MALRD1: variants seen among roughly 807,000 people sequenced by gnomAD.
MALRD1 encodes MAM and LDL-receptor class A domain-containing protein 1.
MALRD1 carries 247 observed loss-of-function variants against 242.1 expected under a neutral mutation model. The observed-to-expected ratio is 1.02, with a 90% CI of 0.92 to 1.13. The LOEUF (loss-of-function observed/expected upper bound fraction) is 1.13, where lower values mean the gene tolerates loss of function less well. Ranked by LOEUF, MALRD1 falls within the 50% of genes most tolerant of loss-of-function variation. The pLI is 0.00. For missense variants in MALRD1, 2,989 were observed against 2,533.1 expected, an observed-to-expected ratio of 1.18 and a Z score of -3.86; for synonymous variants, 995 against 866.6, an observed-to-expected ratio of 1.15 and a Z score of -2.60.
At position 19,567,576 on chromosome 10, in the gene MALRD1, A is replaced by T; in HGVS notation, c.5553A>T (p.Thr1851=). The T allele has an allele frequency of 6.4e-7, 1 of 1,550,556 alleles. No homozygotes were observed. Among genetic ancestry groups the T allele is most frequent in the Non-Finnish European group, 8.7e-7 (1 of 1,146,948 alleles). Residue 1851 remains threonine, a synonymous_variant, in exon 33 of 40, where the codon ACA becomes ACT. Transcript: ENST00000454679. ...SVIGNKRTGW[T]YGSVPLSSNS... ...TTGGAAATAAAAGAACGGGATGGAC[A>T]TATGGCTCTGTGCCTCTCTCCAGTA...
intron 2 of MALRD1, among the ~76,000 whole-genome samples, chr10:19,077,203 AT>A (rs1835344680): frequency 6.6e-6 from 1 of 151,958 alleles, no homozygotes; most frequent in South Asian, 2.1e-4. Flanking sequence ...GACAAAAGTT[AT>A]TAAGTGACAA....
At chr10:19,355,084 G>A (rs1239185755) in intron 26 of MALRD1, among the ~76,000 whole-genome samples, 1 of 152,064 alleles carries the variant, frequency 6.6e-6, no homozygotes, top group Non-Finnish European at 1.5e-5. Flanking sequence ...CAGGGGCAGT[G>A]GAATTTGAGC....
At chr10:19,259,151 T>C in intron 19 of MALRD1, among the ~76,000 whole-genome samples, 1 of 152,172 alleles carries the variant, frequency 6.6e-6, no homozygotes, top group East Asian at 1.9e-4. Flanking sequence ...GTCAGAATCT[T>C]CCTATGACTT....
intron 28 of MALRD1, among the ~76,000 whole-genome samples, chr10:19,419,985 C>A (rs554388684): frequency 1.1e-3 from 174 of 152,264 alleles, no homozygotes; most frequent in Admixed American, 2.0e-3. Flanking sequence ...AGTTTTGGTG[C>A]CGCAAAATAA....
chr10:19,082,533 C>T (rs1835525701), intron 2 of MALRD1, among the ~76,000 whole-genome samples: 1 of 151,816 alleles, frequency 6.6e-6, no homozygotes, highest in African/African-American at 2.4e-5. Context: ...AAACATTTGA[C>T]ATAGCTGATT....
chr10:19,612,476 T>C (rs1838944828), intron 35 of MALRD1, among the ~76,000 whole-genome samples: 1 of 151,968 alleles, frequency 6.6e-6, no homozygotes, highest in South Asian at 2.1e-4. Flanking sequence ...ATATTTCAGT[T>C]TTGATCCTAT....
At chr10:19,266,396 A>G (rs531504480) in intron 19 of MALRD1, among the ~76,000 whole-genome samples, 20 of 151,846 alleles carry the variant, frequency 1.3e-4, no homozygotes, top group East Asian at 7.7e-4. Flanking sequence ...GGTTTTTGCT[A>G]TGTGTTTAAC....
chr10:19,586,347 T>C lies in MALRD1; in HGVS notation c.5681-8847T>C, dbSNP rs535380269. Among the ~76,000 whole-genome samples, 102 of 152,218 alleles carry C rather than the reference T, an allele frequency of 6.7e-4. No individual in the cohort carries two copies. In the Middle Eastern group the frequency reaches 0.01, roughly 15 times the overall value. The stretch of plus-strand genomic sequence containing the variant: ...TTTTTCTGCTCTGTTTTTTCCCCAT[T>C]TTTGTGGTTTTATCTACTTTTGGTC... On this transcript the variant is annotated intron_variant, in intron 33 of 39. Transcript: ENST00000454679.
At chr10:19,085,724 G>A (rs907049902) in intron 2 of MALRD1, among the ~76,000 whole-genome samples, 3 of 151,718 alleles carry the variant, frequency 2.0e-5, no homozygotes, top group Non-Finnish European at 4.4e-5. Flanking sequence ...ACTGAAAAAT[G>A]CTACTTTTAT....
intron 32 of MALRD1, among the ~76,000 whole-genome samples, chr10:19,553,293 A>G (rs1217700541): frequency 2.0e-5 from 3 of 152,150 alleles, no homozygotes; most frequent in Non-Finnish European, 4.4e-5. Context: ...AAATATTAAA[A>G]AATAGTTTTC....
intron 29 of MALRD1, among the ~76,000 whole-genome samples, chr10:19,475,652 C>A (rs139284505): frequency 1.3e-5 from 2 of 152,196 alleles, no homozygotes; most frequent in African/African-American, 4.8e-5. Context: ...TGGAAAGGGT[C>A]AAAGACAATA....
At position 19,256,837 on chromosome 10, in the gene MALRD1, G is replaced by T. The variant is rs116876573; in HGVS notation, c.2992-847G>T. 8.8e-3 allele frequency among the ~76,000 whole-genome samples: 1,335 copies of T among 152,186 alleles called. 15 individuals carry two copies. Among genetic ancestry groups the T allele is most frequent in the Admixed American group, 0.014 (214 of 15,258 alleles). On this transcript the variant is annotated intron_variant, in intron 18 of 39. Transcript: ENST00000454679. ...CACATATAACATTTGTGAGGAAAAT[G>T]AAATGAAAACATATGTTCATATAAT...
At chr10:19,133,456 G>A (rs899875865) in intron 8 of MALRD1, among the ~76,000 whole-genome samples, 1 of 152,016 alleles carries the variant, frequency 6.6e-6, no homozygotes, top group Non-Finnish European at 1.5e-5. Context: ...CCTTTATATT[G>A]TTTGCCTGTA....
At chr10:19,120,278 G>A (rs1837015745) in intron 5 of MALRD1, among the ~76,000 whole-genome samples, 1 of 152,074 alleles carries the variant, frequency 6.6e-6, no homozygotes, top group African/African-American at 2.4e-5. Context: ...TTATGCAAAA[G>A]CCTGGTGAAG....
chr10:19,353,302 C>A (rs553814831), intron 26 of MALRD1, among the ~76,000 whole-genome samples: 1 of 152,212 alleles, frequency 6.6e-6, no homozygotes, highest in East Asian at 1.9e-4. Context: ...CCACCATGCC[C>A]AGCAGATATT....
intron 23 of MALRD1, among the ~76,000 whole-genome samples, chr10:19,330,239 T>A (rs116353299): frequency 0.027 from 4,033 of 150,190 alleles, 152 homozygotes; most frequent in African/African-American, 0.082. Flanking sequence ...ACAGTTATAT[T>A]TTTTTTTTGA....
chr10:19,502,025 AGAAAAGAAAAG>A (rs1474364454), intron 31 of MALRD1, among the ~76,000 whole-genome samples: 1 of 125,394 alleles, frequency 8.0e-6, no homozygotes, highest in Non-Finnish European at 1.7e-5. Flanking sequence ...AAAAAAAAAA[AGAAAAGAAAAG>A]AAAAGAAAAG....
At chr10:19,494,768 G>A (rs922225944) in intron 30 of MALRD1, among the ~76,000 whole-genome samples, 1 of 152,006 alleles carries the variant, frequency 6.6e-6, no homozygotes, top group Non-Finnish European at 1.5e-5. Flanking sequence ...TCAGAAATAT[G>A]GGATTATGTT....
At position 19,352,040 on chromosome 10, in the gene MALRD1, T is replaced by C. The variant is rs763630011; in HGVS notation, c.4184T>C (p.Ile1395Thr). The C allele has an allele frequency of 1.2e-5, 19 of 1,550,014 alleles. No individual in the cohort carries two copies. Among genetic ancestry groups the C allele is most frequent in the South Asian group, 2.4e-5 (2 of 84,058 alleles). Residue 1395 changes from isoleucine to threonine, a missense_variant, in exon 26 of 40, where the codon ATT becomes ACT. Coordinates refer to ENST00000454679, the MANE Select transcript of MALRD1 (RefSeq NM_001142308.3). The stretch of plus-strand genomic sequence containing the variant: ...CATTATCACATGTATGGAAATGGCA[T>C]TGGGGCACTCACCTTAATGCAGGTG... Reference protein sequence around the residue: ...IFHYHMYGNGIGALTLMQVSV... With the variant: ...IFHYHMYGNGTGALTLMQVSV...
Sources: gnomAD v4.1 joint callset for allele counts (sites outside exome capture counted in the v4.1 genomes callset) on GRCh38, gnomAD v4.1.1 for gene constraint, MANE v1.5 for transcripts, NCBI Gene and HGNC (gene_info 2026-07-23, HGNC 2026-07-21) for gene names.